The following ST7L variants were observed in gnomAD, a reference collection of about 807,000 sequenced individuals.
ST7L encodes the protein suppressor of tumorigenicity 7 protein-like.
ST7L carries 57 observed loss-of-function variants against 72.5 expected under a neutral mutation model. The ratio of observed to expected loss-of-function variants is 0.79; its 90% confidence interval spans 0.64 to 0.98. ST7L has a LOEUF of 0.98. ST7L is among the 50% of genes least tolerant of loss of function. ST7L has a pLI of 0.00. For synonymous variants in ST7L, 221 were observed against 240.9 expected, an observed-to-expected ratio of 0.92 and a Z score of 0.77; for missense variants, 576 against 672.2, an observed-to-expected ratio of 0.86 and a Z score of 1.58.
At chr1:112,577,775 C>T (rs1663373228) in intron 10 of ST7L, among the ~76,000 whole-genome samples, 1 of 151,982 alleles carries the variant, frequency 6.6e-6, no homozygotes, top group African/African-American at 2.4e-5. Context: ...TGGAAAATTC[C>T]ATTCTAATTC....
chr1:112,606,509 C>T (rs1348612338), intron 3 of ST7L, among the ~76,000 whole-genome samples: 1 of 152,166 alleles, frequency 6.6e-6, no homozygotes, highest in Non-Finnish European at 1.5e-5. Context: ...CCAAACTGTC[C>T]TTATCCATAT....
At position 112,550,356 on chromosome 1, in the gene ST7L, TATAAG is replaced by T. The variant is rs558205733; in HGVS notation, c.1489+240_1489+244del. ...TGGCACTATTTCTTTTCTAAAAGTT[TATAAG>T]ATGACAGTTCTTGTTAATATCTTTA... On this transcript the variant is annotated intron_variant, in intron 13 of 14. Transcript: ENST00000358039. Among the ~76,000 whole-genome samples the T allele has an allele frequency of 1.4e-4, 21 of 152,330 alleles. No individual in the cohort carries two copies. In the South Asian group the frequency reaches 1.5e-3, roughly 11 times the overall value.
At position 112,616,761 on chromosome 1, in the gene ST7L, AT is replaced by A. The variant is rs777242205; in HGVS notation, c.288+51del. 2.4e-4 allele frequency: 320 copies of A among 1,357,800 alleles called. 1 individual carries two copies. The South Asian group carries it at 2.7e-3, about 12-fold the overall frequency. The allele number at this position is 1,357,800 out of a possible 1,614,324, so 84.1% of individuals were successfully genotyped here. On this transcript the variant is annotated intron_variant, in intron 2 of 14. Coordinates refer to ENST00000358039, the MANE Select transcript of ST7L (RefSeq NM_017744.5). Reference sequence around the variant, plus strand: ...CTGTCTCAAAAAAGAAAAAAAAAAAATATCTTTAGATAAACACCAAAACATG... The same window carrying A: ...CTGTCTCAAAAAAGAAAAAAAAAAAAATCTTTAGATAAACACCAAAACATG...
At chr1:112,572,095 A>G (rs1662236195) in intron 11 of ST7L, among the ~76,000 whole-genome samples, 1 of 152,182 alleles carries the variant, frequency 6.6e-6, no homozygotes, top group African/African-American at 2.4e-5. Flanking sequence ...TACATTGTCA[A>G]TGAGCAGTAA....
chr1:112,520,538 A>G (rs200355523), downstream of ST7L: 47 of 1,606,604 alleles, frequency 2.9e-5, 1 homozygote, highest in Non-Finnish European at 3.5e-5. Flanking sequence ...CATCCCTCCA[A>G]TTCAAGCCTC....
At chr1:112,617,708 TTC>T (rs71677646) in intron 1 of ST7L, among the ~76,000 whole-genome samples, 10,399 of 117,582 alleles carry the variant, frequency 0.088, 425 homozygotes, top group Middle Eastern at 0.099. Context: ...CTGTCTGTCT[TTC>T]TCTCTCTCAC....
At chr1:112,520,696 G>A (rs1366809958), downstream of ST7L, 2 of 634,682 alleles carry the variant, frequency 3.2e-6, no homozygotes, top group Non-Finnish European at 5.4e-6. Context: ...GGAGTTGTCA[G>A]GGGATATAAG....
chr1:112,595,135 G>GA (rs896785703), intron 5 of ST7L, among the ~76,000 whole-genome samples: 91 of 152,098 alleles, frequency 6.0e-4, no homozygotes, highest in African/African-American at 2.1e-3. Context: ...GAAGACCAAG[G>GA]GGGGGCGGAT....
chr1:112,581,602 G>C (rs1337031972), intron 9 of ST7L, among the ~76,000 whole-genome samples: 1 of 151,772 alleles, frequency 6.6e-6, no homozygotes, highest in Non-Finnish European at 1.5e-5. Context: ...ACAGGGTCTT[G>C]CCATGTTGCC....
At chr1:112,586,408 C>A (rs911361317) in intron 6 of ST7L, among the ~76,000 whole-genome samples, 8 of 152,094 alleles carry the variant, frequency 5.3e-5, no homozygotes, top group Admixed American at 3.9e-4. Context: ...TACCACTGCA[C>A]TCCAGCCTGG....
At chr1:112,599,059 CA>C (rs761424885) in intron 4 of ST7L, among the ~76,000 whole-genome samples, 13 of 5,202 alleles carry the variant, frequency 2.5e-3, no homozygotes, top group East Asian at 0.013. Context: ...GACTCAGCCT[CA>C]AAAAAAAAAA....
intron 14 of ST7L, among the ~76,000 whole-genome samples, chr1:112,538,455 A>G (rs1259351392): frequency 6.6e-6 from 1 of 152,048 alleles, no homozygotes; most frequent in African/African-American, 2.4e-5. Context: ...CGATCCTCCC[A>G]TTTTAGCCCC....
chr1:112,593,192 C>T (rs1483362796), intron 5 of ST7L, among the ~76,000 whole-genome samples: 1 of 152,052 alleles, frequency 6.6e-6, no homozygotes, highest in Non-Finnish European at 1.5e-5. Context: ...TTTTCAAATG[C>T]TCTACCTAGC....
At chr1:112,547,561 CTTTT>C (rs59755766) in intron 13 of ST7L, among the ~76,000 whole-genome samples, 3 of 62,026 alleles carry the variant, frequency 4.8e-5, no homozygotes, top group African/African-American at 6.4e-5. Context: ...TCTTTGTCAT[CTTTT>C]TTTTTTTTTT....
chr1:112,617,715 T>TCACACACACA (rs761146961), intron 1 of ST7L, among the ~76,000 whole-genome samples: 47 of 123,150 alleles, frequency 3.8e-4, no homozygotes, highest in East Asian at 2.4e-3. Flanking sequence ...TCTTTCTCTC[T>TCACACACACA]CTCACACACA....
At chr1:112,592,197 CTACCAATTTACTG>C (rs920212048) in intron 5 of ST7L, among the ~76,000 whole-genome samples, 1 of 151,990 alleles carries the variant, frequency 6.6e-6, no homozygotes, top group African/African-American at 2.4e-5. Flanking sequence ...ATTAATTTTG[CTACCAATTTACTG>C]TACCAAAATG....
At chr1:112,573,910 G>GTTTT (rs920123003) in intron 11 of ST7L, among the ~76,000 whole-genome samples, 64 of 91,858 alleles carry the variant, frequency 7.0e-4, no homozygotes, top group African/African-American at 2.3e-3. Flanking sequence ...TTCTTTTCCT[G>GTTTT]TTTTTTTTTT....
intron 14 of ST7L, among the ~76,000 whole-genome samples, chr1:112,535,384 C>CTAA (rs202040552): frequency 0.011 from 1,592 of 148,470 alleles, 19 homozygotes; most frequent in African/African-American, 0.034. Context: ...AATAATAATA[C>CTAA]TAATAATAAT....
upstream of ST7L, chr1:112,619,157 C>G: frequency 6.3e-7 from 1 of 1,589,810 alleles, no homozygotes; most frequent in South Asian, 1.1e-5. Context: ...GGGAGAAGGA[C>G]AGGAAACCGG....
Sources: allele counts gnomAD v4.1 joint callset (sites outside exome capture counted in the v4.1 genomes callset), GRCh38; gene constraint gnomAD v4.1.1; transcripts MANE v1.5; gene names NCBI Gene and HGNC (gene_info 2026-07-23, HGNC 2026-07-21).